FGF1: variants seen among roughly 807,000 people sequenced by gnomAD.
FGF1 encodes fibroblast growth factor 1.
Under a neutral mutation model 13.4 loss-of-function variants are expected in FGF1, and 9 were observed. The ratio of observed to expected loss-of-function variants is 0.67; its 90% CI spans 0.40 to 1.17. FGF1 has a LOEUF of 1.17. FGF1 is among the 50% of genes most tolerant of loss of function. FGF1 has a pLI of 0.01. For missense variants in FGF1, 156 were observed against 192.7 expected (o/e 0.81, Z 1.13); for synonymous variants, 93 against 79.0 (o/e 1.18, Z -0.94).
intron 3 of FGF1, among the ~76,000 whole-genome samples, chr5:142,599,046 T>C (rs757103112): frequency 9.2e-5 from 14 of 152,226 alleles, no homozygotes; most frequent in Non-Finnish European, 1.9e-4. Flanking sequence ...GGGCGCATTC[T>C]GTGTGTTGCA....
At chr5:142,631,692 C>T (rs1763396474) in intron 1 of FGF1, among the ~76,000 whole-genome samples, 1 of 152,060 alleles carries the variant, frequency 6.6e-6, no homozygotes, top group Admixed American at 6.5e-5. Flanking sequence ...CCCGTTGCCT[C>T]AGACTTCAAT....
At chr5:142,609,614 C>G (rs1347007589) in intron 2 of FGF1, among the ~76,000 whole-genome samples, 1 of 152,164 alleles carries the variant, frequency 6.6e-6, no homozygotes, top group Non-Finnish European at 1.5e-5. Flanking sequence ...GAAGCTGGGA[C>G]AAAGAGTCAC....
chr5:142,658,045 C>T (rs1244393020), intron 1 of FGF1, among the ~76,000 whole-genome samples: 9 of 152,214 alleles, frequency 5.9e-5, no homozygotes, highest in African/African-American at 2.2e-4. Context: ...AGAAATCTTC[C>T]AGGACATTCT....
chr5:142,659,909 T>C (rs1350653136), intron 1 of FGF1, among the ~76,000 whole-genome samples: 1 of 152,200 alleles, frequency 6.6e-6, no homozygotes, highest in Non-Finnish European at 1.5e-5. Flanking sequence ...AGAAATTCTC[T>C]TGCTCAGATC....
chr5:142,603,371 C>G (rs904410758), intron 2 of FGF1, among the ~76,000 whole-genome samples: 11 of 152,070 alleles, frequency 7.2e-5, no homozygotes, highest in Admixed American at 2.0e-4. Context: ...GTCCTTTCAT[C>G]CCCACCCCAT....
rs918488376 is a variant in FGF1, at chr5:142,594,191, G to T, written c.*1099C>A. On this transcript the variant is annotated 3_prime_UTR_variant, in exon 4 of 4. Coordinates refer to ENST00000337706, the MANE Select transcript of FGF1 (RefSeq NM_000800.5). ...CATTTGAATAACTCTTTAGGACCAGGACCCTGCTCCTTAATGTATGGCGGG... is the reference window on the plus strand; with the variant it reads ...CATTTGAATAACTCTTTAGGACCAGTACCCTGCTCCTTAATGTATGGCGGG... The T allele has an allele frequency of 6.6e-6, 1 of 152,132 alleles. No individual in the cohort carries two copies. The highest frequency in any genetic ancestry group is 1.5e-5 in the Non-Finnish European group (1 of 68,006). The allele number at this position is 152,132 out of a possible 1,614,324, so 9.4% of individuals were successfully genotyped here.
intron 1 of FGF1, among the ~76,000 whole-genome samples, chr5:142,650,653 T>C (rs1767056741): frequency 6.6e-6 from 1 of 151,754 alleles, no homozygotes; most frequent in African/African-American, 2.4e-5. Context: ...ATATACACTT[T>C]ATATGTGTGT....
intron 3 of FGF1, among the ~76,000 whole-genome samples, chr5:142,600,107 G>A (rs1257012013): frequency 1.3e-5 from 2 of 152,146 alleles, no homozygotes; most frequent in East Asian, 3.9e-4. Context: ...TGTGTGTGGT[G>A]GCCTATAATC....
intron 1 of FGF1, among the ~76,000 whole-genome samples, chr5:142,645,899 T>G (rs80146696): frequency 0.013 from 2,033 of 152,222 alleles, 41 homozygotes; most frequent in African/African-American, 0.046. Context: ...CCTTACTTTG[T>G]TTTTTTGTTT....
chr5:142,659,541 GA>G, intron 1 of FGF1, among the ~76,000 whole-genome samples: 1 of 152,196 alleles, frequency 6.6e-6, no homozygotes, highest in Non-Finnish European at 1.5e-5. Flanking sequence ...TTTTAAGGGG[GA>G]ACTTTGAAGC....
intron 1 of FGF1, among the ~76,000 whole-genome samples, chr5:142,655,002 C>A: frequency 6.6e-6 from 1 of 152,218 alleles, no homozygotes; most frequent in Admixed American, 6.5e-5. Context: ...ACCCCAGCTC[C>A]AAGGAAAACA....
At chr5:142,602,183 T>TC (rs1460121204) in intron 2 of FGF1, among the ~76,000 whole-genome samples, 1 of 151,810 alleles carries the variant, frequency 6.6e-6, no homozygotes, top group Non-Finnish European at 1.5e-5. Flanking sequence ...TTTCTTTTTT[T>TC]TTTTTTCTTT....
chr5:142,612,954 A>C (rs1006113716), intron 2 of FGF1, among the ~76,000 whole-genome samples: 1 of 151,604 alleles, frequency 6.6e-6, no homozygotes, highest in African/African-American at 2.4e-5. Context: ...ATAAACCATC[A>C]TGTCAAAGTG....
chr5:142,603,528 G>A (rs1757028412), intron 2 of FGF1, among the ~76,000 whole-genome samples: 1 of 152,190 alleles, frequency 6.6e-6, no homozygotes, highest in African/African-American at 2.4e-5. Context: ...TACACTCTGA[G>A]AGGAAGGGCA....
At chr5:142,638,578 T>A (rs1001692782) in intron 1 of FGF1, among the ~76,000 whole-genome samples, 2 of 152,144 alleles carry the variant, frequency 1.3e-5, no homozygotes, top group Admixed American at 6.5e-5. Context: ...AGTTTGTAAA[T>A]CTGCTAGAAG....
chr5:142,665,398 G>C (rs1770112636), intron 1 of FGF1, among the ~76,000 whole-genome samples: 1 of 151,544 alleles, frequency 6.6e-6, no homozygotes, highest in African/African-American at 2.4e-5. Flanking sequence ...CATTACTTTA[G>C]AGCTGTTTAC....
intron 2 of FGF1, among the ~76,000 whole-genome samples, chr5:142,695,201 T>C (rs1752906832): frequency 6.6e-6 from 1 of 152,236 alleles, no homozygotes; most frequent in Non-Finnish European, 1.5e-5. Context: ...TTGTGAGGAT[T>C]ACCTGAGATG....
At chr5:142,695,768 C>G (rs536536200) in intron 2 of FGF1, among the ~76,000 whole-genome samples, 1 of 151,634 alleles carries the variant, frequency 6.6e-6, no homozygotes, top group East Asian at 1.9e-4. Flanking sequence ...TTAATTTTCC[C>G]GCAAGAATGG....
At chr5:142,647,433 G>T (rs541338615) in intron 1 of FGF1, among the ~76,000 whole-genome samples, 1 of 152,246 alleles carries the variant, frequency 6.6e-6, no homozygotes, top group Admixed American at 6.5e-5. Flanking sequence ...TCACCACCGC[G>T]TTGAGGTAGT....
Sources: allele counts gnomAD v4.1 joint callset (sites outside exome capture counted in the v4.1 genomes callset), GRCh38; gene constraint gnomAD v4.1.1; transcripts MANE v1.5; gene names NCBI Gene and HGNC (gene_info 2026-07-23, HGNC 2026-07-21).